NT5DC3: variants seen among roughly 807,000 people sequenced by gnomAD.
NT5DC3 encodes the protein 5'-nucleotidase domain-containing protein 3.
A neutral mutation model predicts 67.8 loss-of-function variants in NT5DC3; 42 were observed. The observed-to-expected ratio is 0.62, with a 90% CI of 0.48 to 0.80. The LOEUF (loss-of-function observed/expected upper bound fraction) is 0.80. NT5DC3 is among the 30% of genes least tolerant of loss of function. The pLI is 0.00. For synonymous variants in NT5DC3, 237 were observed against 255.6 expected (o/e 0.93, Z 0.69); for missense variants, 570 against 696.4 (o/e 0.82, Z 2.04).
the NT5DC3 span, chr12:103,761,499 C>A: frequency 8.7e-7 from 1 of 1,151,016 alleles, no homozygotes; most frequent in Non-Finnish European, 1.3e-6. Context: ...GCCCTGTCCT[C>A]CTCCCTCTTC....
At chr12:103,757,943 G>A in the NT5DC3 span, 228 of 583,108 alleles carry the variant, frequency 3.9e-4, no homozygotes, top group Non-Finnish European at 6.6e-4. Context: ...CCACGTGGAG[G>A]ATGGGCTGTG....
chr12:103,801,372 C>CCTTTTTTTTTT (rs1886567309), intron 4 of NT5DC3, among the ~76,000 whole-genome samples: 88 of 78,946 alleles, frequency 1.1e-3, no homozygotes, highest in African/African-American at 4.6e-3. Context: ...TTGGGGTGGG[C>CCTTTTTTTTTT]TTTTTTTTTT....
intron 1 of NT5DC3, among the ~76,000 whole-genome samples, chr12:103,839,404 A>C (rs1237656981): frequency 1.3e-5 from 2 of 152,128 alleles, no homozygotes; most frequent in Non-Finnish European, 2.9e-5. Context: ...GTGAGCCACG[A>C]CGCCTGCCTA....
At chr12:103,755,132 C>T in the NT5DC3 span, 3 of 845,604 alleles carry the variant, frequency 3.5e-6, no homozygotes, top group African/African-American at 1.7e-5. Flanking sequence ...GTGGCTCAAT[C>T]AATCAGTCAA....
At chr12:103,785,751 TAAAAAAAA>T (rs201632707) in intron 11 of NT5DC3, 37 of 363,432 alleles carry the variant, frequency 1.0e-4, no homozygotes, top group East Asian at 5.2e-4. Context: ...CCATGGTCTG[TAAAAAAAA>T]AAAAAAAAAA....
the NT5DC3 span, among the ~76,000 whole-genome samples, chr12:103,760,151 A>G: frequency 6.6e-6 from 1 of 152,184 alleles, no homozygotes; most frequent in Non-Finnish European, 1.5e-5. Context: ...GGGAAATTGT[A>G]TTACCTGCTT....
chr12:103,753,336 C>T, the NT5DC3 span: 1 of 1,614,264 alleles, frequency 6.2e-7, no homozygotes, highest in African/African-American at 1.3e-5. Flanking sequence ...CTACAACCAG[C>T]TCTCCTATGC....
At chr12:103,799,878 G>A (rs900955876) in intron 4 of NT5DC3, among the ~76,000 whole-genome samples, 2 of 151,884 alleles carry the variant, frequency 1.3e-5, no homozygotes, top group Non-Finnish European at 2.9e-5. Context: ...ACTACAGCAG[G>A]TGCCTTCACC....
intron 12 of NT5DC3, among the ~76,000 whole-genome samples, chr12:103,782,094 G>A (rs1885578001): frequency 6.6e-6 from 1 of 152,248 alleles, no homozygotes; most frequent in African/African-American, 2.4e-5. Context: ...GACAGGCTGG[G>A]CGTGGTAGCT....
At position 103,815,133 on chromosome 12, in the gene NT5DC3, G is replaced by A. The variant is rs564554202; in HGVS notation, c.209-12C>T. 49 of 1,553,832 alleles carry A rather than the reference G, an allele frequency of 3.2e-5. No homozygotes were observed. Among genetic ancestry groups the A allele is most frequent in the Admixed American group, 3.0e-4 (16 of 53,274 alleles). On this transcript the variant is annotated splice_polypyrimidine_tract_variant and intron_variant, in intron 1 of 13. Transcript: ENST00000392876. Reference sequence around the variant, plus strand: ...GGAAGGAACCAATTCTGGAAATAAAGAAAAAAAATACATTATACTACATAA... The same window carrying A: ...GGAAGGAACCAATTCTGGAAATAAAAAAAAAAAATACATTATACTACATAA...
chr12:103,805,219 G>A (rs761143248), intron 4 of NT5DC3, among the ~76,000 whole-genome samples: 4 of 152,094 alleles, frequency 2.6e-5, no homozygotes, highest in Admixed American at 6.5e-5. Context: ...TACCACAGCA[G>A]GGACAATATC....
chr12:103,788,224 T>G lies in NT5DC3; in HGVS notation c.1101+614A>C, dbSNP rs188583599. 7.9e-5 allele frequency among the ~76,000 whole-genome samples: 12 copies of G among 152,290 alleles called. No homozygotes were observed. The East Asian group carries it at 1.4e-3, about 17-fold the overall frequency. ...GGGAGGCCAAGGTGGGAGGACTGCT[T>G]GAGCCCAAGAGTTCAAGACCAGCTT... is the stretch of plus-strand genomic sequence containing the variant. On this transcript the variant is annotated intron_variant, in intron 10 of 13. Transcript: ENST00000392876.
chr12:103,838,670 C>G (rs1052453596), intron 1 of NT5DC3, among the ~76,000 whole-genome samples: 1 of 152,198 alleles, frequency 6.6e-6, no homozygotes, highest in Non-Finnish European at 1.5e-5. Flanking sequence ...AGACTGGGAG[C>G]AACCCAAATG....
intron 4 of NT5DC3, among the ~76,000 whole-genome samples, chr12:103,805,007 C>G (rs1034410361): frequency 6.6e-6 from 1 of 151,446 alleles, no homozygotes; most frequent in Non-Finnish European, 1.5e-5. Flanking sequence ...GCCGAGATCT[C>G]GCCACTGCAC....
intron 11 of NT5DC3, among the ~76,000 whole-genome samples, chr12:103,786,311 G>C (rs773556436): frequency 6.6e-6 from 1 of 152,190 alleles, no homozygotes; most frequent in Admixed American, 6.5e-5. Flanking sequence ...CAAGGTGGGG[G>C]AAAGTATGAA....
chr12:103,749,729 A>G, the NT5DC3 span, among the ~76,000 whole-genome samples: 6 of 150,640 alleles, frequency 4.0e-5, no homozygotes, highest in Admixed American at 1.3e-4. Flanking sequence ...AGTCCCAGCT[A>G]CTCGGGAGGC....
chr12:103,761,663 C>A, the NT5DC3 span, among the ~76,000 whole-genome samples: 1 of 152,082 alleles, frequency 6.6e-6, no homozygotes, highest in Non-Finnish European at 1.5e-5. Flanking sequence ...GGATGGGCCA[C>A]CAAAGGAAGC....
the NT5DC3 span, chr12:103,758,186 C>T: frequency 6.2e-7 from 1 of 1,614,136 alleles, no homozygotes; most frequent in Admixed American, 1.7e-5. Context: ...CTGGCCTATT[C>T]CAACAGCTCA....
At chr12:103,828,898 C>T (rs1887810038) in intron 1 of NT5DC3, among the ~76,000 whole-genome samples, 1 of 151,986 alleles carries the variant, frequency 6.6e-6, no homozygotes, top group Non-Finnish European at 1.5e-5. Flanking sequence ...AGGGTTTCAC[C>T]ATGTTGGCCA....
Sources: allele counts gnomAD v4.1 joint callset (sites outside exome capture counted in the v4.1 genomes callset), GRCh38; gene constraint gnomAD v4.1.1; transcripts MANE v1.5; gene names NCBI Gene and HGNC (gene_info 2026-07-23, HGNC 2026-07-21).